Variants in CDKAL1 observed in about 807,000 individuals in gnomAD.
CDKAL1 encodes CDKAL1 threonylcarbamoyladenosine tRNA methylthiotransferase.
CDKAL1 carries 32 observed loss-of-function variants against 68.2 expected under a neutral mutation model. That is an observed-to-expected ratio of 0.47 (90% CI 0.35 to 0.63). CDKAL1 has a LOEUF of 0.63. Among genes scored for constraint, CDKAL1 ranks in the 30% least tolerant of loss-of-function variants. The probability of loss-of-function intolerance (pLI) is 0.00; values close to 1 mark genes in which losing one functional copy is unlikely to be tolerated. For synonymous variants in CDKAL1, 234 were observed against 244.3 expected (o/e 0.96, Z 0.39); for missense variants, 606 against 696.7 (o/e 0.87, Z 1.47).
At chr6:20,721,436 G>T (rs559490860) in intron 5 of CDKAL1, among the ~76,000 whole-genome samples, 7 of 151,998 alleles carry the variant, frequency 4.6e-5, no homozygotes, top group Non-Finnish European at 1.0e-4. Context: ...TATTCCGTTA[G>T]GTATATATAC....
At chr6:20,962,776 C>T (rs1241125598) in intron 10 of CDKAL1, among the ~76,000 whole-genome samples, 1 of 152,066 alleles carries the variant, frequency 6.6e-6, no homozygotes, top group East Asian at 1.9e-4. Context: ...AAAAGACATG[C>T]TAGATTACTT....
At chr6:20,943,942 A>G (rs1303250542) in intron 9 of CDKAL1, among the ~76,000 whole-genome samples, 1 of 152,212 alleles carries the variant, frequency 6.6e-6, no homozygotes, top group Non-Finnish European at 1.5e-5. Context: ...ATAAATAACC[A>G]TAGTCAATAG....
rs78178444 is a variant in CDKAL1 at position 20,572,909 on chromosome 6, T to C, written c.286+24204T>C. ...AAAAACTAGGCCCAGATATAGTGTA[T>C]GTTTGTGACTACATGTAACAAGGAT... is the stretch of plus-strand genomic sequence containing the variant. On this transcript the variant is annotated intron_variant, in intron 4 of 15. Coordinates refer to ENST00000274695, the MANE Select transcript of CDKAL1 (RefSeq NM_017774.3). 3.9e-3 allele frequency among the ~76,000 whole-genome samples: 596 copies of C among 152,304 alleles called. 3 individuals carry two copies. The highest frequency in any genetic ancestry group is 0.014 in the African/African-American group (562 of 41,574).
chr6:20,946,952 C>T (rs568381118), intron 9 of CDKAL1, among the ~76,000 whole-genome samples: 2 of 152,252 alleles, frequency 1.3e-5, no homozygotes, highest in African/African-American at 4.8e-5. Flanking sequence ...CTTATTTTTA[C>T]TTGACAATAT....
intron 4 of CDKAL1, among the ~76,000 whole-genome samples, chr6:20,641,847 C>T (rs1768193449): frequency 1.3e-5 from 2 of 150,606 alleles, no homozygotes; most frequent in South Asian, 4.2e-4. Flanking sequence ...TGTGTGTACA[C>T]ATGTGTATGG....
chr6:20,957,975 A>C (rs1465556487), intron 10 of CDKAL1, among the ~76,000 whole-genome samples: 1 of 125,160 alleles, frequency 8.0e-6, no homozygotes, highest in African/African-American at 4.1e-5. Context: ...TCTCAAAAAA[A>C]AAAAAAAAAA....
At chr6:21,038,890 T>C (rs575790072) in intron 11 of CDKAL1, among the ~76,000 whole-genome samples, 2 of 152,336 alleles carry the variant, frequency 1.3e-5, no homozygotes, top group Admixed American at 6.5e-5. Flanking sequence ...GGAGAAAATA[T>C]CATCCAGTAT....
intron 5 of CDKAL1, among the ~76,000 whole-genome samples, chr6:20,707,637 A>G (rs1771662320): frequency 6.6e-6 from 1 of 152,218 alleles, no homozygotes. Flanking sequence ...AAGGATATGT[A>G]GTCATTTTAC....
intron 13 of CDKAL1, among the ~76,000 whole-genome samples, chr6:21,178,054 G>T (rs1777654025): frequency 6.6e-6 from 1 of 151,896 alleles, no homozygotes; most frequent in African/African-American, 2.4e-5. Context: ...ACTTTCTTTA[G>T]TCTATCAACT....
At chr6:20,722,418 G>A (rs2127846744) in intron 5 of CDKAL1, 1 of 252,232 alleles carries the variant, frequency 4.0e-6, no homozygotes, top group South Asian at 5.3e-5. Context: ...TCTTAGATTT[G>A]CAACTGGGCT....
chr6:20,816,259 C>A (rs1363553120), intron 8 of CDKAL1, among the ~76,000 whole-genome samples: 1 of 152,076 alleles, frequency 6.6e-6, no homozygotes, highest in African/African-American at 2.4e-5. Context: ...AGATTCCTGG[C>A]AGATGTGAAT....
chr6:21,198,070 A>G lies in CDKAL1; in HGVS notation c.1349A>G (p.Lys450Arg), dbSNP rs1386325489. ...GTAACAGAAGAATCTTTTGATTCCAAGTTTTATGTTGCACACAATCAATTC... is the reference window on the plus strand; with the variant it reads ...GTAACAGAAGAATCTTTTGATTCCAGGTTTTATGTTGCACACAATCAATTC... ...VLVTEESFDS[K>R]FYVAHNQFYE... Residue 450 changes from lysine (K) to arginine (R), a missense_variant, in exon 14 of 16, where the codon AAG becomes AGG. Transcript: ENST00000274695. 7 of 1,606,010 alleles carry G rather than the reference A, an allele frequency of 4.4e-6. No homozygotes were observed. The African/African-American group carries it at 8.0e-5, about 18-fold the overall frequency.
chr6:21,123,759 C>T lies in CDKAL1; in HGVS notation c.1299+15296C>T, dbSNP rs547150502. ...GTTTATATGACTTTACAGTCACTAA[C>T]CCTTCACTTACTTGAAGAAGATAAG... On this transcript the variant is annotated intron_variant, in intron 13 of 15. Coordinates refer to ENST00000274695, the MANE Select transcript of CDKAL1 (RefSeq NM_017774.3). Among the ~76,000 whole-genome samples, 12 of 152,322 alleles carry T rather than the reference C, an allele frequency of 7.9e-5. 1 individual carries two copies. In the South Asian group the frequency reaches 2.5e-3, roughly 32 times the overall value.
At chr6:20,984,552 C>G (rs1244702955) in intron 10 of CDKAL1, among the ~76,000 whole-genome samples, 1 of 152,096 alleles carries the variant, frequency 6.6e-6, no homozygotes, top group African/African-American at 2.4e-5. Flanking sequence ...TGTCTGGCTT[C>G]CAGGAGGAAT....
intron 2 of CDKAL1, among the ~76,000 whole-genome samples, chr6:20,536,983 C>A (rs1763198984): frequency 6.6e-6 from 1 of 152,154 alleles, no homozygotes; most frequent in South Asian, 2.1e-4. Context: ...AGGCTCCATT[C>A]TCAGAGATTC....
At chr6:21,216,729 C>T (rs1779349952) in intron 15 of CDKAL1, among the ~76,000 whole-genome samples, 1 of 152,132 alleles carries the variant, frequency 6.6e-6, no homozygotes. Context: ...GGTCTTGAAC[C>T]CCCATCCTGG....
intron 13 of CDKAL1, among the ~76,000 whole-genome samples, chr6:21,190,446 C>T (rs1310672054): frequency 2.6e-5 from 4 of 151,930 alleles, no homozygotes; most frequent in African/African-American, 7.3e-5. Flanking sequence ...CAGCTCACTG[C>T]ACCATCTGCC....
At chr6:21,132,721 T>C (rs1454972004) in intron 13 of CDKAL1, among the ~76,000 whole-genome samples, 2 of 152,332 alleles carry the variant, frequency 1.3e-5, no homozygotes, top group Non-Finnish European at 1.5e-5. Flanking sequence ...ATGTATCTCA[T>C]GATTTTGCTG....
chr6:20,833,138 A>T (rs1057093687), intron 8 of CDKAL1, among the ~76,000 whole-genome samples: 1 of 152,168 alleles, frequency 6.6e-6, no homozygotes, highest in Non-Finnish European at 1.5e-5. Context: ...ACATTTATTG[A>T]AGCATTTATT....
Sources: gnomAD v4.1 joint callset for allele counts (sites outside exome capture counted in the v4.1 genomes callset) on GRCh38, gnomAD v4.1.1 for gene constraint, MANE v1.5 for transcripts, NCBI Gene and HGNC (gene_info 2026-07-23, HGNC 2026-07-21) for gene names.